C12orf42: variants seen among roughly 807,000 people sequenced by gnomAD.
The protein encoded by C12orf42 is chromosome 12 open reading frame 42.
In C12orf42, 25 loss-of-function variants were observed where a neutral mutation model predicts 21.6. The observed-to-expected ratio is 1.16, with a 90% CI of 0.84 to 1.62. The LOEUF is 1.62. Among genes scored for constraint, C12orf42 ranks in the 40% most tolerant of loss-of-function variants. C12orf42 has a pLI of 0.00. For missense variants in C12orf42, 483 were observed against 459.3 expected, an observed-to-expected ratio of 1.05 and a Z score of -0.47; for synonymous variants, 174 against 175.0, an observed-to-expected ratio of 0.99 and a Z score of 0.05.
chr12:103,238,390 C>T (rs1173476147), intron 10 of C12orf42, among the ~76,000 whole-genome samples: 1 of 152,112 alleles, frequency 6.6e-6, no homozygotes, highest in African/African-American at 2.4e-5. Flanking sequence ...GTCTGTGGAT[C>T]AGCAGCTTTG....
chr12:103,427,374 A>AT (rs1389470648), intron 2 of C12orf42, among the ~76,000 whole-genome samples: 7 of 152,010 alleles, frequency 4.6e-5, no homozygotes, highest in Admixed American at 3.9e-4. Context: ...AAAAAAAAAA[A>AT]ACAAGGAAGG....
chr12:103,334,783 T>A (rs950067947), intron 4 of C12orf42, among the ~76,000 whole-genome samples: 1 of 152,234 alleles, frequency 6.6e-6, no homozygotes, highest in Non-Finnish European at 1.5e-5. Flanking sequence ...CAGCAATTGT[T>A]GCTGCGCCAA....
At chr12:103,504,732 G>A in the C12orf42 span, 1 of 153,374 alleles carries the variant, frequency 6.5e-6, no homozygotes, top group African/African-American at 2.4e-5. Flanking sequence ...CTCTGCTAAA[G>A]ACGAATAACT....
At chr12:103,101,755 T>C in the C12orf42 span, among the ~76,000 whole-genome samples, 1 of 152,236 alleles carries the variant, frequency 6.6e-6, no homozygotes, top group African/African-American at 2.4e-5. Flanking sequence ...ATTTAGCTCA[T>C]AATTCTGTGG....
chr12:103,294,019 T>C (rs1366609850), intron 4 of C12orf42, among the ~76,000 whole-genome samples: 1 of 152,134 alleles, frequency 6.6e-6, no homozygotes, highest in African/African-American at 2.4e-5. Context: ...ACATAGCAGA[T>C]GTTCAGTAAA....
chr12:103,435,745 A>G (rs996456047), intron 2 of C12orf42, among the ~76,000 whole-genome samples: 2 of 152,028 alleles, frequency 1.3e-5, no homozygotes, highest in Non-Finnish European at 2.9e-5. Flanking sequence ...GAAATATGGG[A>G]CTATGTGAAA....
intron 4 of C12orf42, among the ~76,000 whole-genome samples, chr12:103,278,570 G>A (rs1377703167): frequency 2.6e-5 from 4 of 152,236 alleles, no homozygotes; most frequent in Admixed American, 6.5e-5. Context: ...GGCTGGGCAC[G>A]TGGCACCTGC....
the C12orf42 span, among the ~76,000 whole-genome samples, chr12:103,509,962 G>A: frequency 7.2e-5 from 11 of 152,136 alleles, no homozygotes; most frequent in African/African-American, 1.7e-4. Context: ...CTTAAAGAAC[G>A]AAAAGTAAAA....
chr12:103,107,907 A>G, the C12orf42 span, among the ~76,000 whole-genome samples: 1 of 151,694 alleles, frequency 6.6e-6, no homozygotes. Context: ...ATAAACACAG[A>G]CGTAGAACAT....
the C12orf42 span, among the ~76,000 whole-genome samples, chr12:103,068,967 A>G: frequency 4.3e-3 from 416 of 96,606 alleles, 12 homozygotes; most frequent in East Asian, 9.4e-3. Context: ...ATATATATAT[A>G]TATATATATA....
chr12:103,383,840 G>A (rs969725252), intron 3 of C12orf42, among the ~76,000 whole-genome samples: 1 of 152,174 alleles, frequency 6.6e-6, no homozygotes, highest in Non-Finnish European at 1.5e-5. Context: ...CCAATAAGGT[G>A]CCTAGTCCAG....
upstream of C12orf42, among the ~76,000 whole-genome samples, chr12:103,496,526 C>A (rs1201669124): frequency 1.3e-5 from 2 of 152,194 alleles, no homozygotes; most frequent in Non-Finnish European, 2.9e-5. Flanking sequence ...GCTGTGCCAA[C>A]AAAGGTCGTT....
chr12:103,519,076 T>TCATGA, the C12orf42 span, among the ~76,000 whole-genome samples: 1 of 152,158 alleles, frequency 6.6e-6, no homozygotes, highest in Non-Finnish European at 1.5e-5. Context: ...GAGTGAGTTC[T>TCATGA]TATGAGATCT....
At chr12:103,398,529 T>G (rs1439391816) in intron 3 of C12orf42, among the ~76,000 whole-genome samples, 1 of 152,136 alleles carries the variant, frequency 6.6e-6, no homozygotes, top group African/African-American at 2.4e-5. Flanking sequence ...TGTAGTAAAA[T>G]TTATCAATAT....
At chr12:103,160,682 C>G in the C12orf42 span, among the ~76,000 whole-genome samples, 2 of 152,158 alleles carry the variant, frequency 1.3e-5, no homozygotes, top group African/African-American at 4.8e-5. Flanking sequence ...GAATCCCAGC[C>G]CATACTTCCT....
intron 4 of C12orf42, among the ~76,000 whole-genome samples, chr12:103,334,291 A>T (rs1593478771): frequency 1.3e-5 from 2 of 152,284 alleles, no homozygotes; most frequent in East Asian, 3.9e-4. Context: ...CCTATGTGAG[A>T]TTTACAAACA....
intron 3 of C12orf42, among the ~76,000 whole-genome samples, chr12:103,384,992 T>A (rs1169865425): frequency 2.6e-5 from 4 of 152,156 alleles, no homozygotes; most frequent in Admixed American, 2.6e-4. Flanking sequence ...AGGGTTGGGG[T>A]ACATCTTTAC....
chr12:103,352,024 C>T (rs187394489), intron 4 of C12orf42, among the ~76,000 whole-genome samples: 1 of 152,140 alleles, frequency 6.6e-6, no homozygotes, highest in Admixed American at 6.6e-5. Flanking sequence ...CAATCCTCCC[C>T]TGCTCCAAGC....
At chr12:103,419,300 T>C (rs528446932) in intron 2 of C12orf42, among the ~76,000 whole-genome samples, 2 of 152,292 alleles carry the variant, frequency 1.3e-5, no homozygotes, top group African/African-American at 2.4e-5. Context: ...AGTCATCATG[T>C]TTTAAGCAAA....
Sources: gnomAD v4.1 joint callset for allele counts (sites outside exome capture counted in the v4.1 genomes callset) on GRCh38, gnomAD v4.1.1 for gene constraint, MANE v1.5 for transcripts, NCBI Gene and HGNC (gene_info 2026-07-23, HGNC 2026-07-21) for gene names.